IQCM: variants seen among roughly 807,000 people sequenced by gnomAD.
IQCM encodes IQ motif containing M, also known as IQ domain-containing protein M.
Under a neutral mutation model 57.6 loss-of-function variants are expected in IQCM, and 45 were observed. That is an observed-to-expected ratio of 0.78 (90% CI 0.62 to 1.00). The LOEUF is 1.00. Among genes scored for constraint, IQCM ranks in the 50% least tolerant of loss-of-function variants. IQCM has a pLI of 0.00. For missense variants in IQCM, 468 were observed against 511.6 expected (o/e 0.91, Z 0.82); for synonymous variants, 148 against 158.9 (o/e 0.93, Z 0.51).
At chr4:149,591,787 C>A (rs1456835414) in intron 8 of IQCM, among the ~76,000 whole-genome samples, 3 of 152,128 alleles carry the variant, frequency 2.0e-5, no homozygotes, top group Admixed American at 1.3e-4. Context: ...TGAACTCATC[C>A]TTTTTTATGT....
intron 5 of IQCM, among the ~76,000 whole-genome samples, chr4:149,690,469 C>G (rs113907860): frequency 3.9e-5 from 6 of 152,126 alleles, no homozygotes; most frequent in African/African-American, 1.4e-4. Flanking sequence ...AAATAGGGTG[C>G]AGCATGTACT....
chr4:149,534,492 T>C (rs1020223180), intron 12 of IQCM, among the ~76,000 whole-genome samples: 1 of 152,146 alleles, frequency 6.6e-6, no homozygotes, highest in African/African-American at 2.4e-5. Context: ...ATGAAAATCA[T>C]GTCCTCTATA....
chr4:149,555,999 T>G (rs1184992633), intron 10 of IQCM, among the ~76,000 whole-genome samples: 1 of 152,218 alleles, frequency 6.6e-6, no homozygotes, highest in East Asian at 1.9e-4. Flanking sequence ...ATGTGGTTTT[T>G]ATTACAGGGA....
At chr4:149,711,047 G>GCAATAGGAT (rs1251598170) in intron 5 of IQCM, 1 of 152,052 alleles carries the variant, frequency 6.6e-6, no homozygotes, top group African/African-American at 2.4e-5. Flanking sequence ...GATATAACTG[G>GCAATAGGAT]CAATAGGATA....
Position 149,789,236 on chromosome 4 carries a change from T to C in IQCM, c.-49+26075A>G, listed in dbSNP as rs540048171. Among the ~76,000 whole-genome samples, 3 of 152,320 alleles carry C rather than the reference T, an allele frequency of 2.0e-5. No homozygotes were observed. The East Asian group carries it at 5.8e-4, about 29-fold the overall frequency. On this transcript the variant is annotated intron_variant, in intron 2 of 13. Coordinates refer to ENST00000636793, the MANE Select transcript of IQCM (RefSeq NM_001363507.2). ...TCTGACTTGACCATTAGGTATTCTA[T>C]GCACGCAACAAAATATCACATGGAC...
intron 2 of IQCM, among the ~76,000 whole-genome samples, chr4:149,800,940 C>G (rs539229423): frequency 2.2e-4 from 34 of 151,898 alleles, no homozygotes; most frequent in Admixed American, 1.8e-3. Flanking sequence ...CAATCCCTAT[C>G]AAAATACCAA....
chr4:149,481,030 T>C (rs979917450), intron 12 of IQCM, among the ~76,000 whole-genome samples: 1 of 152,204 alleles, frequency 6.6e-6, no homozygotes, highest in East Asian at 1.9e-4. Flanking sequence ...CCTTTTCCTA[T>C]GCCTGTTTGC....
chr4:149,440,920 C>A (rs1015347790), intron 12 of IQCM, among the ~76,000 whole-genome samples: 1 of 151,954 alleles, frequency 6.6e-6, no homozygotes, highest in Non-Finnish European at 1.5e-5. Context: ...ATTTTAAATT[C>A]TTTCCGAAAC....
chr4:149,584,471 A>G (rs1169632275), intron 9 of IQCM, among the ~76,000 whole-genome samples: 1 of 151,674 alleles, frequency 6.6e-6, no homozygotes, highest in Non-Finnish European at 1.5e-5. Context: ...TGATAGCAAA[A>G]AGATAAACTT....
chr4:149,588,483 C>T (rs1301095789), intron 8 of IQCM, among the ~76,000 whole-genome samples: 2 of 151,694 alleles, frequency 1.3e-5, no homozygotes, highest in Non-Finnish European at 2.9e-5. Context: ...ACTGTGCTTC[C>T]CCTAAATCCA....
intron 13 of IQCM, among the ~76,000 whole-genome samples, chr4:149,373,017 CT>C (rs1367771480): frequency 3.3e-5 from 5 of 152,030 alleles, no homozygotes; most frequent in Admixed American, 6.6e-5. Flanking sequence ...AGTGATGCTT[CT>C]CAGAAAAACT....
rs554309151 is a variant in IQCM at position 149,470,733 on chromosome 4, C to T, written c.1229-37176G>A. Among the ~76,000 whole-genome samples the T allele has an allele frequency of 2.7e-4, 41 of 152,238 alleles. No individual in the cohort carries two copies. The South Asian group carries it at 8.3e-3, about 31-fold the overall frequency. ...ACCACATAGTCGGAAGTAAAGCACT[C>T]CTCAGCAAATGTAATAGAAATTATA... On this transcript the variant is annotated intron_variant, in intron 12 of 13. Transcript: ENST00000636793.
chr4:149,354,389 A>AAAAAAAAC (rs1728811485), intron 13 of IQCM, among the ~76,000 whole-genome samples: 2 of 143,780 alleles, frequency 1.4e-5, no homozygotes, highest in Non-Finnish European at 3.0e-5. Context: ...AAAAAAAAAA[A>AAAAAAAAC]CTGACAAATT....
intron 13 of IQCM, among the ~76,000 whole-genome samples, chr4:149,357,343 C>G (rs1331793624): frequency 1.3e-5 from 2 of 152,120 alleles, no homozygotes; most frequent in Non-Finnish European, 2.9e-5. Context: ...AGGAATGCTT[C>G]CAGTTTTTGT....
chr4:149,716,155 C>A (rs1391527979), intron 5 of IQCM, among the ~76,000 whole-genome samples: 1 of 152,220 alleles, frequency 6.6e-6, no homozygotes, highest in Non-Finnish European at 1.5e-5. Context: ...ACAGCACCCA[C>A]AGCACCCAAG....
chr4:149,732,936 T>C (rs1766596593), intron 5 of IQCM, among the ~76,000 whole-genome samples: 1 of 152,234 alleles, frequency 6.6e-6, no homozygotes, highest in African/African-American at 2.4e-5. Flanking sequence ...CTATCGTCCA[T>C]GGCTGCTTTA....
intron 12 of IQCM, among the ~76,000 whole-genome samples, chr4:149,434,979 G>A (rs1735210852): frequency 6.6e-6 from 1 of 152,046 alleles, no homozygotes; most frequent in Non-Finnish European, 1.5e-5. Flanking sequence ...TTCTCCATGA[G>A]TGCCACTAGA....
At chr4:149,608,882 A>G (rs561011491) in intron 8 of IQCM, among the ~76,000 whole-genome samples, 3 of 151,926 alleles carry the variant, frequency 2.0e-5, no homozygotes, top group African/African-American at 7.2e-5. Context: ...CAAAATTAAT[A>G]GAAGAGAAAA....
chr4:149,616,940 T>C (rs984422038), intron 8 of IQCM, among the ~76,000 whole-genome samples: 4 of 151,830 alleles, frequency 2.6e-5, no homozygotes, highest in African/African-American at 9.7e-5. Flanking sequence ...CTACATGTTC[T>C]GCACATATAT....
Sources: allele counts gnomAD v4.1 joint callset (sites outside exome capture counted in the v4.1 genomes callset), GRCh38; gene constraint gnomAD v4.1.1; transcripts MANE v1.5; gene names NCBI Gene and HGNC (gene_info 2026-07-23, HGNC 2026-07-21).